The following NTRK2 variants were observed in gnomAD, a reference collection of about 807,000 sequenced individuals.
NTRK2 encodes the protein neurotrophic receptor tyrosine kinase 2.
NTRK2 carries 13 observed loss-of-function variants against 94.5 expected under a neutral mutation model. That is an observed-to-expected ratio of 0.14 (90% CI 0.09 to 0.22). The LOEUF is 0.22. Ranked by LOEUF, NTRK2 falls within the 10% of genes least tolerant of loss-of-function variation. The pLI is 1.00. For synonymous variants in NTRK2, 372 were observed against 407.4 expected, an observed-to-expected ratio of 0.91 and a Z score of 1.05; for missense variants, 639 against 1,071.2, an observed-to-expected ratio of 0.60 and a Z score of 5.63.
chr9:84,712,469 T>G (rs1280341123), intron 6 of NTRK2, among the ~76,000 whole-genome samples: 2 of 152,216 alleles, frequency 1.3e-5, no homozygotes, highest in Non-Finnish European at 2.9e-5. Flanking sequence ...AATGAGGGCA[T>G]GGGCTCAATT....
intron 15 of NTRK2, among the ~76,000 whole-genome samples, chr9:84,945,435 G>A (rs2078567147): frequency 6.6e-6 from 1 of 152,168 alleles, no homozygotes; most frequent in African/African-American, 2.4e-5. Flanking sequence ...GCACTGGTGT[G>A]TGTGGTTTGC....
At chr9:84,833,653 G>A (rs986974952) in intron 12 of NTRK2, among the ~76,000 whole-genome samples, 17 of 151,894 alleles carry the variant, frequency 1.1e-4, no homozygotes, top group African/African-American at 4.1e-4. Context: ...GAGGGAGGCA[G>A]GGGAGGGAGG....
At chr9:84,751,249 A>G (rs149859211) in intron 11 of NTRK2, among the ~76,000 whole-genome samples, 2 of 152,312 alleles carry the variant, frequency 1.3e-5, no homozygotes, top group African/African-American at 2.4e-5. Context: ...AGTAGAGAGA[A>G]TAGTAAAATG....
chr9:84,882,213 C>G (rs910074579), intron 14 of NTRK2, among the ~76,000 whole-genome samples: 3 of 151,404 alleles, frequency 2.0e-5, no homozygotes, highest in Admixed American at 1.3e-4. Flanking sequence ...CACACACACA[C>G]TGACCCACAA....
At chr9:84,706,023 C>T (rs2061035658) in intron 4 of NTRK2, among the ~76,000 whole-genome samples, 1 of 152,016 alleles carries the variant, frequency 6.6e-6, no homozygotes, top group Non-Finnish European at 1.5e-5. Context: ...CTCCCAACCT[C>T]GGGTGATCCA....
intron 17 of NTRK2, among the ~76,000 whole-genome samples, chr9:85,019,440 G>A (rs1000316431): frequency 2.0e-5 from 3 of 152,192 alleles, no homozygotes; most frequent in Admixed American, 1.3e-4. Context: ...CCTCCATGAA[G>A]TAGGAAGTCA....
At position 84,685,596 on chromosome 9, in the gene NTRK2, T is replaced by C. The variant is rs138077491; in HGVS notation, c.212+14636T>C. Among the ~76,000 whole-genome samples the C allele has an allele frequency of 6.8e-4, 103 of 152,286 alleles. 1 individual carries two copies. The highest frequency in any genetic ancestry group is 2.4e-3 in the African/African-American group (100 of 41,558). ...CCCCGTGTCCTCAAATTCAAAGCCA[T>C]TTCTCAGCCTCATTTCATGCCTCTA... On this transcript the variant is annotated intron_variant, in intron 2 of 18. Transcript: ENST00000277120.
intron 2 of NTRK2, 45 bp downstream of exon 2, chr9:84,671,005 G>T (rs764771066): frequency 6.4e-7 from 1 of 1,572,976 alleles, no homozygotes; most frequent in Non-Finnish European, 8.6e-7. Context: ...TGCCCCTAGG[G>T]CCCGAGCTGG....
intron 17 of NTRK2, among the ~76,000 whole-genome samples, chr9:84,967,882 C>A (rs1187401026): frequency 6.6e-6 from 1 of 152,158 alleles, no homozygotes; most frequent in Non-Finnish European, 1.5e-5. Flanking sequence ...TGATGTCCAA[C>A]CTCAGTATGG....
intron 17 of NTRK2, among the ~76,000 whole-genome samples, chr9:84,970,764 T>C (rs75017148): frequency 0.018 from 2,678 of 152,324 alleles, 87 homozygotes; most frequent in African/African-American, 0.061. Context: ...CACTTACTTC[T>C]GGATGATCAT....
At position 84,912,712 on chromosome 9, in the gene NTRK2, C is replaced by T. The variant is rs193018748; in HGVS notation, c.1634-21450C>T. 5.9e-3 allele frequency among the ~76,000 whole-genome samples: 893 copies of T among 150,566 alleles called. 11 individuals carry two copies. The highest frequency in any genetic ancestry group is 0.013 in the South Asian group (63 of 4,690). On this transcript the variant is annotated intron_variant, in intron 14 of 18. Coordinates refer to ENST00000277120, the MANE Select transcript of NTRK2 (RefSeq NM_006180.6). Reference sequence around the variant, plus strand: ...TGGCTCACTGCAAGCTCTGCCTCCCCGGGTTCATGCCATTCTCCTGTCAGC... The same window carrying T: ...TGGCTCACTGCAAGCTCTGCCTCCCTGGGTTCATGCCATTCTCCTGTCAGC...
intron 12 of NTRK2, among the ~76,000 whole-genome samples, chr9:84,839,497 A>C (rs1345093332): frequency 6.6e-6 from 1 of 152,138 alleles, no homozygotes; most frequent in Non-Finnish European, 1.5e-5. Flanking sequence ...GTCTTAGTAC[A>C]TTTTGATTCT....
intron 14 of NTRK2, among the ~76,000 whole-genome samples, chr9:84,887,899 A>G (rs1399393160): frequency 1.3e-5 from 2 of 152,136 alleles, no homozygotes; most frequent in East Asian, 3.8e-4. Context: ...GTTGCAGATT[A>G]TTTTCTTGAT....
intron 16 of NTRK2, among the ~76,000 whole-genome samples, chr9:84,950,594 T>G (rs1317655): frequency 1.7e-5 from 1 of 58,046 alleles, no homozygotes; most frequent in East Asian, 4.4e-4. Context: ...CTAATATGTT[T>G]TTTTTTTTTT....
At chr9:84,759,109 G>C (rs2065321227) in intron 12 of NTRK2, among the ~76,000 whole-genome samples, 1 of 152,198 alleles carries the variant, frequency 6.6e-6, no homozygotes, top group African/African-American at 2.4e-5. Flanking sequence ...AAGACATTCA[G>C]TTGAAAGAGT....
intron 4 of NTRK2, among the ~76,000 whole-genome samples, chr9:84,707,457 G>A (rs560189839): frequency 4.7e-4 from 71 of 152,004 alleles, no homozygotes; most frequent in Non-Finnish European, 9.1e-4. Context: ...TAGTTTTAAG[G>A]CATATTTTTT....
chr9:84,902,422 GAGA>G (rs937315187), intron 14 of NTRK2, among the ~76,000 whole-genome samples: 16 of 152,182 alleles, frequency 1.1e-4, no homozygotes, highest in African/African-American at 3.9e-4. Flanking sequence ...AACACTTCAG[GAGA>G]AGGAGAGGGG....
chr9:84,977,148 C>G (rs1008515253), intron 17 of NTRK2, among the ~76,000 whole-genome samples: 2 of 152,204 alleles, frequency 1.3e-5, no homozygotes, highest in African/African-American at 2.4e-5. Flanking sequence ...AATACATAAC[C>G]TTGTTTTATG....
chr9:84,971,545 A>G (rs1420343295), intron 17 of NTRK2, among the ~76,000 whole-genome samples: 1 of 152,272 alleles, frequency 6.6e-6, no homozygotes, highest in Admixed American at 6.5e-5. Flanking sequence ...CAAGAGAAGC[A>G]GAACATGGTA....
Sources: gnomAD v4.1 joint callset for allele counts (sites outside exome capture counted in the v4.1 genomes callset) on GRCh38, gnomAD v4.1.1 for gene constraint, MANE v1.5 for transcripts, NCBI Gene and HGNC (gene_info 2026-07-23, HGNC 2026-07-21) for gene names.